The following TFB1M variants were observed in gnomAD, a reference collection of about 807,000 sequenced individuals.
TFB1M encodes dimethyladenosine transferase 1, mitochondrial.
Under a neutral mutation model 31.1 loss-of-function variants are expected in TFB1M, and 27 were observed. That is an observed-to-expected ratio of 0.87 (90% CI 0.64 to 1.20). TFB1M has a LOEUF of 1.20. Among genes scored for constraint, TFB1M ranks in the 50% most tolerant of loss-of-function variants. The pLI is 0.00. For synonymous variants in TFB1M, 166 were observed against 151.8 expected (o/e 1.09, Z -0.69); for missense variants, 394 against 418.7 (o/e 0.94, Z 0.51).
chr6:155,260,229 AT>A, intron 6 of TFB1M, 43 bp downstream of exon 6: 1 of 1,611,414 alleles, frequency 6.2e-7, no homozygotes, highest in Non-Finnish European at 8.5e-7. Flanking sequence ...GTGCCTGAGG[AT>A]TTTATAAAGA....
chr6:155,280,010 A>C (rs1182780239), intron 5 of TFB1M, among the ~76,000 whole-genome samples: 1 of 152,198 alleles, frequency 6.6e-6, no homozygotes, highest in African/African-American at 2.4e-5. Flanking sequence ...GGCAACTTAT[A>C]AAATTGCAGG....
chr6:155,240,135 T>C, the TFB1M span, among the ~76,000 whole-genome samples: 1 of 152,190 alleles, frequency 6.6e-6, no homozygotes, highest in African/African-American at 2.4e-5. Flanking sequence ...GGCCAACCAT[T>C]GAGGGGACTG....
At chr6:155,251,968 G>T (rs746664519), downstream of TFB1M, 1 of 1,603,658 alleles carries the variant, frequency 6.2e-7, no homozygotes, top group Middle Eastern at 1.7e-4. Context: ...CGTCATACTG[G>T]TTTATAAAGA....
chr6:155,280,249 C>G (rs1275349246), intron 5 of TFB1M, among the ~76,000 whole-genome samples: 1 of 152,110 alleles, frequency 6.6e-6, no homozygotes, highest in East Asian at 1.9e-4. Context: ...CTTGGCCAAG[C>G]TCCTTCCACT....
chr6:155,296,878 G>C lies in TFB1M; in HGVS notation c.546+75C>G, dbSNP rs1489413930. ...ATTAACTTAGAAAACACAGACTGTGGTAAAAATGCAGTATTATTATTTTGC... is the reference window on the plus strand; with the variant it reads ...ATTAACTTAGAAAACACAGACTGTGCTAAAAATGCAGTATTATTATTTTGC... On this transcript the variant is annotated intron_variant, in intron 4 of 6. Transcript: ENST00000367166. 4 of 1,351,284 alleles carry C rather than the reference G, an allele frequency of 3.0e-6. No individual in the cohort carries two copies. The East Asian group carries it at 9.2e-5, about 31-fold the overall frequency. 83.7% of individuals were successfully genotyped at this position (1,351,284 alleles called of 1,614,324 possible). A position where few individuals can be genotyped will look rare whatever the true frequency, so the allele number is the denominator to read the frequency against.
Position 155,256,317 on chromosome 6 carries a change from A to ATGT in TFB1M, c.*1516_*1518dup, listed in dbSNP as rs1350278197. The ATGT allele has an allele frequency of 1.2e-5, 12 of 991,380 alleles. No homozygotes were observed. Among genetic ancestry groups the ATGT allele is most frequent in the Non-Finnish European group, 1.6e-5 (11 of 685,452 alleles). 61.4% of individuals were successfully genotyped at this position (991,380 alleles called of 1,614,324 possible). ...CTGTAAACCTAAGTCAAAAATGTCC[A>ATGT]TGTTTTCAGTAGCTACATTTTTGCC... On this transcript the variant is annotated 3_prime_UTR_variant, in exon 7 of 7. Coordinates refer to ENST00000367166, the MANE Select transcript of TFB1M (RefSeq NM_016020.4).
intron 5 of TFB1M, among the ~76,000 whole-genome samples, chr6:155,283,580 C>T (rs1263317747): frequency 1.3e-5 from 2 of 152,180 alleles, no homozygotes; most frequent in Non-Finnish European, 2.9e-5. Flanking sequence ...TGGATAATAA[C>T]TTCGAAACTC....
the TFB1M span, among the ~76,000 whole-genome samples, chr6:155,232,268 G>GTT: frequency 2.0e-5 from 3 of 148,964 alleles, no homozygotes; most frequent in African/African-American, 7.4e-5. Context: ...AATTTTTAGT[G>GTT]TTTTTTTTTT....
intron 5 of TFB1M, 150 bp downstream of exon 5, chr6:155,285,008 C>T (rs1479449839): frequency 6.2e-6 from 6 of 969,026 alleles, no homozygotes; most frequent in South Asian, 2.9e-5. Flanking sequence ...ATTCATATTA[C>T]GATTTTTGTG....
chr6:155,244,926 T>C, the TFB1M span: 2 of 1,104,182 alleles, frequency 1.8e-6, no homozygotes, highest in South Asian at 4.5e-5. Flanking sequence ...CTTGCACCGT[T>C]TTCCTCTGTC....
In TFB1M at chr6:155,273,773, G is replaced by GTATGACATGGGGTGATATCCTA. The variant is rs1235220587; in HGVS notation, c.666+11363_666+11384dup. On this transcript the variant is annotated intron_variant, in intron 5 of 6. Coordinates refer to ENST00000367166, the MANE Select transcript of TFB1M (RefSeq NM_016020.4). ...CGCTGCAGGTTGGCTGCTGAAGACT[G>GTATGACATGGGGTGATATCCTA]TATGACATGGGGTGATATCCTATCT... is the stretch of plus-strand genomic sequence containing the variant. Among the ~76,000 whole-genome samples the GTATGACATGGGGTGATATCCTA allele has an allele frequency of 3.9e-5, 6 of 152,294 alleles. No homozygotes were observed. The East Asian group carries it at 1.2e-3, about 29-fold the overall frequency.
the TFB1M span, among the ~76,000 whole-genome samples, chr6:155,242,091 C>T: frequency 6.6e-6 from 1 of 152,210 alleles, no homozygotes; most frequent in Non-Finnish European, 1.5e-5. Context: ...ACCGACTCTC[C>T]CTTCTCTCTG....
At chr6:155,264,658 TA>T (rs1411284168) in intron 5 of TFB1M, among the ~76,000 whole-genome samples, 1 of 152,140 alleles carries the variant, frequency 6.6e-6, no homozygotes, top group Non-Finnish European at 1.5e-5. Context: ...CTTGGGATCA[TA>T]AAAAAAGAAC....
At chr6:155,308,672 T>A (rs1777889953) in intron 2 of TFB1M, among the ~76,000 whole-genome samples, 1 of 152,256 alleles carries the variant, frequency 6.6e-6, no homozygotes, top group Non-Finnish European at 1.5e-5. Flanking sequence ...ATGAATCCTG[T>A]ATGTTAGCAC....
At position 155,279,954 on chromosome 6, in the gene TFB1M, A is replaced by G. The variant is rs529576863; in HGVS notation, c.666+5204T>C. 2.8e-4 allele frequency among the ~76,000 whole-genome samples: 43 copies of G among 152,244 alleles called. No individual in the cohort carries two copies. The South Asian group carries it at 3.3e-3, about 12-fold the overall frequency. On this transcript the variant is annotated intron_variant, in intron 5 of 6. Transcript: ENST00000367166. Reference sequence around the variant, plus strand: ...TAATTATAAAAATGGCTTTTGGTTTATATTTATTTTTATTTTGGACTCAAG... The same window carrying G: ...TAATTATAAAAATGGCTTTTGGTTTGTATTTATTTTTATTTTGGACTCAAG...
At chr6:155,238,562 G>C in the TFB1M span, among the ~76,000 whole-genome samples, 12 of 152,212 alleles carry the variant, frequency 7.9e-5, no homozygotes, top group African/African-American at 2.7e-4. Flanking sequence ...CCTTGAGGTA[G>C]GCCTGGAACG....
intron 5 of TFB1M, chr6:155,260,611 G>A (rs940047495): frequency 3.2e-6 from 2 of 630,862 alleles, no homozygotes; most frequent in East Asian, 2.9e-5. Flanking sequence ...GGCTGCACCT[G>A]TTCTCTAATG....
chr6:155,308,579 G>A (rs559530622), intron 2 of TFB1M, among the ~76,000 whole-genome samples: 2 of 152,312 alleles, frequency 1.3e-5, no homozygotes, highest in African/African-American at 4.8e-5. Flanking sequence ...GCAGTCTGAT[G>A]CTGAAGTCTG....
rs556217620 is a variant in TFB1M at position 155,257,110 on chromosome 6, G to A, written c.*726C>T. The A allele has an allele frequency of 1.6e-5, 25 of 1,610,266 alleles. No individual in the cohort carries two copies. The East Asian group carries it at 2.5e-4, about 16-fold the overall frequency. ...GTGTTTTTATGAAACAGAGAGCCAC[G>A]GAAAATCATAGTATGATTCAATCCA... On this transcript the variant is annotated 3_prime_UTR_variant, in exon 7 of 7. Transcript: ENST00000367166.
Sources: gnomAD v4.1 joint callset for allele counts (sites outside exome capture counted in the v4.1 genomes callset) on GRCh38, gnomAD v4.1.1 for gene constraint, MANE v1.5 for transcripts, NCBI Gene and HGNC (gene_info 2026-07-23, HGNC 2026-07-21) for gene names.